Variants in CATSPERT observed in about 807,000 individuals in gnomAD.
The protein encoded by CATSPERT is cation channel sperm-associated targeting subunit tau.
chr2:201,492,634 A>T, the CATSPERT span: 1 of 1,528,298 alleles, frequency 6.5e-7, no homozygotes, highest in Non-Finnish European at 8.8e-7. Flanking sequence ...ATAGTTTTGG[A>T]GAATCTCTTT....
the CATSPERT span, chr2:201,487,452 A>G: frequency 1.5e-6 from 1 of 685,056 alleles, no homozygotes; most frequent in Non-Finnish European, 2.4e-6. Flanking sequence ...TCAAAACAAA[A>G]TGGTTCTAAC....
the CATSPERT span, among the ~76,000 whole-genome samples, chr2:201,608,830 G>GAAAC: frequency 1.0e-5 from 1 of 99,328 alleles, no homozygotes; most frequent in African/African-American, 3.3e-5. Context: ...AAAAAAAAAA[G>GAAAC]AAAGAAACAA....
the CATSPERT span, chr2:201,535,345 C>T: frequency 2.0e-6 from 2 of 980,594 alleles, no homozygotes; most frequent in Non-Finnish European, 2.4e-6. Context: ...GATGAACTAC[C>T]TGTAATAGTT....
At chr2:201,575,459 C>A in the CATSPERT span, 2 of 488,670 alleles carry the variant, frequency 4.1e-6, no homozygotes, top group East Asian at 3.6e-5. Context: ...CTGGGCTGCA[C>A]AGCAGGAAAT....
the CATSPERT span, chr2:201,493,486 T>C: frequency 1.3e-6 from 2 of 1,537,198 alleles, no homozygotes; most frequent in Non-Finnish European, 1.7e-6. Context: ...CTTATGGTGT[T>C]CTTTATCTAA....
chr2:201,489,427 CAATACT>C, the CATSPERT span, among the ~76,000 whole-genome samples: 1 of 151,986 alleles, frequency 6.6e-6, no homozygotes, highest in South Asian at 2.1e-4. Context: ...CTCACCCCCT[CAATACT>C]AAGTTTCCGA....
the CATSPERT span, chr2:201,545,494 C>T: frequency 8.2e-7 from 1 of 1,223,198 alleles, no homozygotes; most frequent in Non-Finnish European, 1.2e-6. Context: ...GATATAATCA[C>T]TTTGATTTCA....
chr2:201,575,156 G>T, the CATSPERT span: 3 of 709,404 alleles, frequency 4.2e-6, no homozygotes, highest in South Asian at 4.0e-5. Flanking sequence ...TTCAAACAGT[G>T]ACTGGTATGG....
At chr2:201,559,119 G>C in the CATSPERT span, among the ~76,000 whole-genome samples, 1 of 152,198 alleles carries the variant, frequency 6.6e-6, no homozygotes, top group African/African-American at 2.4e-5. Flanking sequence ...ATGCACCCAT[G>C]CTCAGGACCT....
chr2:201,584,707 C>T, the CATSPERT span, among the ~76,000 whole-genome samples: 34 of 151,846 alleles, frequency 2.2e-4, no homozygotes, highest in African/African-American at 7.7e-4. Flanking sequence ...CGCTTGAACC[C>T]GGGAGGCAGA....
At chr2:201,506,586 C>T in the CATSPERT span, among the ~76,000 whole-genome samples, 1 of 152,160 alleles carries the variant, frequency 6.6e-6, no homozygotes, top group Non-Finnish European at 1.5e-5. Flanking sequence ...CGGAGTCTTG[C>T]TCTGTCATCC....
chr2:201,569,279 T>C, the CATSPERT span, among the ~76,000 whole-genome samples: 1 of 152,198 alleles, frequency 6.6e-6, no homozygotes, highest in African/African-American at 2.4e-5. Context: ...TCTGTTTTTA[T>C]GATGCAGGTT....
chr2:201,493,830 A>G, the CATSPERT span: 20 of 1,535,192 alleles, frequency 1.3e-5, 1 homozygote, highest in African/African-American at 2.2e-4. Flanking sequence ...TGGTACTACT[A>G]TTTTTTTTAA....
the CATSPERT span, among the ~76,000 whole-genome samples, chr2:201,495,168 T>A: frequency 4.6e-5 from 7 of 151,940 alleles, no homozygotes; most frequent in South Asian, 1.5e-3. Flanking sequence ...TTTTTTTTTT[T>A]AATTCAAGCA....
At chr2:201,560,450 TAATAATAATAATAATAATAACAAC>T in the CATSPERT span, among the ~76,000 whole-genome samples, 3 of 41,864 alleles carry the variant, frequency 7.2e-5, no homozygotes, top group African/African-American at 1.4e-4. Context: ...ATAATAATAA[TAATAATAATAATAATAATAACAAC>T]AACAACAACA....
At chr2:201,491,281 G>A in the CATSPERT span, 18 of 1,537,868 alleles carry the variant, frequency 1.2e-5, no homozygotes, top group East Asian at 4.9e-5. Flanking sequence ...CTTGTTAAAT[G>A]ACTTTTTTGG....
the CATSPERT span, among the ~76,000 whole-genome samples, chr2:201,541,536 TATATATATATATATATATA>T: frequency 0.013 from 212 of 16,162 alleles, 2 homozygotes; most frequent in Middle Eastern, 0.036. Context: ...TGATTTTATA[TATATATATATATATATATA>T]TATATATATA....
the CATSPERT span, among the ~76,000 whole-genome samples, chr2:201,609,465 T>C: frequency 6.6e-6 from 1 of 152,284 alleles, no homozygotes; most frequent in East Asian, 1.9e-4. Context: ...TACCAAATTT[T>C]AAAACATTAA....
chr2:201,542,172 CA>C, the CATSPERT span, among the ~76,000 whole-genome samples: 1 of 151,366 alleles, frequency 6.6e-6, no homozygotes, highest in African/African-American at 2.4e-5. Flanking sequence ...CCCTAGGAAA[CA>C]AAAAAAAATC....
Sources: allele counts gnomAD v4.1 joint callset (sites outside exome capture counted in the v4.1 genomes callset), GRCh38; gene constraint gnomAD v4.1.1; transcripts MANE v1.5; gene names NCBI Gene and HGNC (gene_info 2026-07-23, HGNC 2026-07-21).